The following TGFBR2 variants were observed in gnomAD, a reference collection of about 807,000 sequenced individuals.
TGFBR2 encodes the protein transforming growth factor beta receptor 2.
A neutral mutation model predicts 49.0 loss-of-function variants in TGFBR2; 18 were observed. The observed-to-expected ratio is 0.37, with a 90% CI of 0.25 to 0.54. TGFBR2 has a LOEUF of 0.54. TGFBR2 is among the 20% of genes least tolerant of loss of function. TGFBR2 has a pLI of 0.85. For synonymous variants in TGFBR2, 282 were observed against 275.9 expected (o/e 1.02, Z -0.22); for missense variants, 525 against 722.6 (o/e 0.73, Z 3.13).
chr3:30,686,364 G>T (rs909351219), intron 5 of TGFBR2, among the ~76,000 whole-genome samples: 8 of 152,168 alleles, frequency 5.3e-5, no homozygotes, highest in Non-Finnish European at 2.9e-5. Flanking sequence ...TGGATTAAAT[G>T]CTTGGGTCCT....
chr3:30,641,933 C>G (rs1291427605), intron 1 of TGFBR2, among the ~76,000 whole-genome samples: 12 of 151,854 alleles, frequency 7.9e-5, no homozygotes, highest in Non-Finnish European at 1.5e-5. Context: ...CTCCCTACAT[C>G]CTTCTTCCCT....
At chr3:30,626,240 A>G (rs1273161915) in intron 1 of TGFBR2, among the ~76,000 whole-genome samples, 5 of 152,066 alleles carry the variant, frequency 3.3e-5, no homozygotes, top group African/African-American at 1.2e-4. Context: ...TGGGTTGAAA[A>G]CTCCCATCTG....
chr3:30,620,824 C>T (rs528216340), intron 1 of TGFBR2, among the ~76,000 whole-genome samples: 2 of 152,224 alleles, frequency 1.3e-5, no homozygotes, highest in African/African-American at 4.8e-5. Flanking sequence ...GGTCTTGGTG[C>T]AATGAAGAGT....
At chr3:30,675,914 A>G (rs1346850040) in intron 5 of TGFBR2, among the ~76,000 whole-genome samples, 1 of 152,206 alleles carries the variant, frequency 6.6e-6, no homozygotes, top group African/African-American at 2.4e-5. Flanking sequence ...TTTCTGAAAC[A>G]GGATCCAGTC....
At chr3:30,655,113 G>T (rs1429864019) in intron 3 of TGFBR2, among the ~76,000 whole-genome samples, 1 of 152,206 alleles carries the variant, frequency 6.6e-6, no homozygotes, top group Non-Finnish European at 1.5e-5. Context: ...GAGGTGTTGT[G>T]AGGATTGAGT....
Position 30,671,668 on chromosome 3 carries a change from T to C in TGFBR2, c.485T>C (p.Leu162Pro), listed in dbSNP as rs1385327750. The C allele has an allele frequency of 1.2e-6, 2 of 1,614,080 alleles. No homozygotes were observed. The highest frequency in any genetic ancestry group is 1.1e-5 in the South Asian group (1 of 91,088). Residue 162 changes from leucine to proline, a missense_variant, in exon 4 of 7, where the codon CTA (leucine) becomes CCA (proline). Physicochemically the swap from Leu to Pro is moderately conservative, Grantham distance 98 (BLOSUM62 -3). Coordinates refer to ENST00000295754, the MANE Select transcript of TGFBR2 (RefSeq NM_003242.6). Reference sequence around the variant, plus strand: ...AACACCAGCAATCCTGACTTGTTGCTAGTCATATTTCAAGTGACAGGCATC... The same window carrying C: ...AACACCAGCAATCCTGACTTGTTGCCAGTCATATTTCAAGTGACAGGCATC... Reference protein sequence around the residue: ...EYNTSNPDLLLVIFQVTGISL... With the variant: ...EYNTSNPDLLPVIFQVTGISL...
intron 1 of TGFBR2, among the ~76,000 whole-genome samples, chr3:30,613,227 C>G (rs1464632898): frequency 6.7e-5 from 10 of 149,620 alleles, no homozygotes; most frequent in South Asian, 6.4e-4. Context: ...TATATGAACA[C>G]AACTGGCCTC....
At chr3:30,662,947 T>C (rs1243174012) in intron 3 of TGFBR2, among the ~76,000 whole-genome samples, 1 of 152,210 alleles carries the variant, frequency 6.6e-6, no homozygotes, top group Non-Finnish European at 1.5e-5. Context: ...GAGAGAACTT[T>C]TAAATGTAGA....
At chr3:30,629,913 G>T (rs1698405232) in intron 1 of TGFBR2, among the ~76,000 whole-genome samples, 1 of 152,160 alleles carries the variant, frequency 6.6e-6, no homozygotes, top group East Asian at 1.9e-4. Context: ...GATGAAGAAG[G>T]CAGATCTCTG....
chr3:30,678,338 G>C (rs1699476106), intron 5 of TGFBR2, among the ~76,000 whole-genome samples: 1 of 152,084 alleles, frequency 6.6e-6, no homozygotes, highest in African/African-American at 2.4e-5. Context: ...ATGAGGTCAG[G>C]AGATCGAGAC....
At chr3:30,610,325 A>G (rs892608065) in intron 1 of TGFBR2, among the ~76,000 whole-genome samples, 2 of 151,156 alleles carry the variant, frequency 1.3e-5, no homozygotes, top group Non-Finnish European at 3.0e-5. Context: ...CAAAAGCCTC[A>G]TTTTTTTTTG....
At chr3:30,610,079 T>C (rs1262422061) in intron 1 of TGFBR2, among the ~76,000 whole-genome samples, 1 of 152,180 alleles carries the variant, frequency 6.6e-6, no homozygotes, top group Non-Finnish European at 1.5e-5. Flanking sequence ...CTGATATCAT[T>C]GCAAAAACTG....
intron 1 of TGFBR2, among the ~76,000 whole-genome samples, chr3:30,609,374 A>G (rs1027199303): frequency 6.6e-6 from 1 of 152,212 alleles, no homozygotes; most frequent in Non-Finnish European, 1.5e-5. Context: ...GCAAGATAAT[A>G]TATCAGGTAA....
chr3:30,640,740 T>A (rs1485110156), intron 1 of TGFBR2, among the ~76,000 whole-genome samples: 1 of 152,204 alleles, frequency 6.6e-6, no homozygotes, highest in African/African-American at 2.4e-5. Flanking sequence ...TATACTGCCT[T>A]AATATAAGAA....
chr3:30,642,678 A>T (rs192668307), intron 1 of TGFBR2, among the ~76,000 whole-genome samples: 2 of 152,344 alleles, frequency 1.3e-5, no homozygotes, highest in African/African-American at 4.8e-5. Context: ...CTATACAAAA[A>T]ATACGTATGT....
At chr3:30,623,654 G>A (rs1441909699) in intron 1 of TGFBR2, among the ~76,000 whole-genome samples, 1 of 152,192 alleles carries the variant, frequency 6.6e-6, no homozygotes, top group East Asian at 1.9e-4. Context: ...GCTGCCATGT[G>A]TAAAAGGCTA....
At chr3:30,614,164 T>A (rs2125446006) in intron 1 of TGFBR2, among the ~76,000 whole-genome samples, 1 of 151,284 alleles carries the variant, frequency 6.6e-6, no homozygotes, top group Admixed American at 6.6e-5. Context: ...TTGCATTTCT[T>A]CTGTGTATTG....
intron 5 of TGFBR2, among the ~76,000 whole-genome samples, chr3:30,686,103 CACTT>C (rs1444629058): frequency 6.6e-6 from 1 of 152,136 alleles, no homozygotes; most frequent in Non-Finnish European, 1.5e-5. Flanking sequence ...TGAGAGTAAA[CACTT>C]ACTGGGAACC....
intron 3 of TGFBR2, among the ~76,000 whole-genome samples, chr3:30,669,898 T>C (rs1699309623): frequency 1.3e-5 from 2 of 152,220 alleles, no homozygotes; most frequent in South Asian, 4.1e-4. Context: ...TTAACTCCTT[T>C]ATCAGTATCA....
Sources: allele counts gnomAD v4.1 joint callset (sites outside exome capture counted in the v4.1 genomes callset), GRCh38; gene constraint gnomAD v4.1.1; transcripts MANE v1.5; gene names NCBI Gene and HGNC (gene_info 2026-07-23, HGNC 2026-07-21).